The following TSC22D1 variants were observed in gnomAD, a reference collection of about 807,000 sequenced individuals.
TSC22D1 encodes the protein TSC22 domain family protein 1.
A neutral mutation model predicts 74.2 loss-of-function variants in TSC22D1; 9 were observed. The observed-to-expected ratio is 0.12, with a 90% CI of 0.07 to 0.21. The LOEUF is 0.21. Ranked by LOEUF, TSC22D1 falls within the 10% of genes least tolerant of loss-of-function variation. The pLI is 1.00. For missense variants in TSC22D1, 1,427 were observed against 1,304.7 expected (o/e 1.09, Z -1.44); for synonymous variants, 586 against 492.5 (o/e 1.19, Z -2.51).
At chr13:44,511,282 TCAAAAAAAAAC>T (rs1426101889) in intron 1 of TSC22D1, among the ~76,000 whole-genome samples, 1 of 151,754 alleles carries the variant, frequency 6.6e-6, no homozygotes, top group Admixed American at 6.6e-5. Flanking sequence ...AGAACCTGTT[TCAAAAAAAAAC>T]CAAAAAAAAT....
chr13:44,538,368 G>A (rs1191134943), intron 1 of TSC22D1: 9 of 985,102 alleles, frequency 9.1e-6, no homozygotes, highest in African/African-American at 1.7e-5. Flanking sequence ...AGCAGTTTTC[G>A]AATAATTAAG....
At chr13:44,485,254 G>A (rs920077105) in intron 1 of TSC22D1, among the ~76,000 whole-genome samples, 3 of 152,010 alleles carry the variant, frequency 2.0e-5, no homozygotes, top group Admixed American at 2.0e-4. Flanking sequence ...AAAAATGAGT[G>A]CTTAGTATAA....
intron 1 of TSC22D1, among the ~76,000 whole-genome samples, chr13:44,533,461 T>C (rs943736480): frequency 8.6e-6 from 1 of 116,676 alleles, no homozygotes; most frequent in African/African-American, 3.5e-5. Flanking sequence ...CTGTATCAAA[T>C]AAAATTAAAA....
chr13:44,458,345 G>C (rs1175076922), intron 1 of TSC22D1, among the ~76,000 whole-genome samples: 1 of 152,218 alleles, frequency 6.6e-6, no homozygotes, highest in Non-Finnish European at 1.5e-5. Context: ...TTGAGCACTG[G>C]AGTTAGAGCC....
chr13:44,451,198 T>C (rs114853424), intron 1 of TSC22D1, among the ~76,000 whole-genome samples: 1 of 152,122 alleles, frequency 6.6e-6, no homozygotes, highest in Admixed American at 6.5e-5. Flanking sequence ...AATGAGCCAA[T>C]GGACAGTCCG....
chr13:44,533,005 TACAG>T (rs1296609112), intron 1 of TSC22D1, among the ~76,000 whole-genome samples: 6 of 152,178 alleles, frequency 3.9e-5, no homozygotes, highest in African/African-American at 1.4e-4. Context: ...ACTTGAGTAC[TACAG>T]ACAATTTGTT....
rs993790430 is a variant in TSC22D1, at chr13:44,432,418, G to A, written c.*2208C>T. Reference sequence around the variant, plus strand: ...TTTTTCAAGGAAATGTAATTACTACGTAAGTATTCCTTTATTAAATTTGAA... The same window carrying A: ...TTTTTCAAGGAAATGTAATTACTACATAAGTATTCCTTTATTAAATTTGAA... On this transcript the variant is annotated 3_prime_UTR_variant, in exon 3 of 3. Transcript: ENST00000458659. The A allele has an allele frequency of 1.3e-5, 2 of 152,154 alleles. No individual in the cohort carries two copies. Among genetic ancestry groups the A allele is most frequent in the Admixed American group, 6.5e-5 (1 of 15,286 alleles). 9.4% of individuals were successfully genotyped at this position (152,154 alleles called of 1,614,324 possible). A position where few individuals can be genotyped will look rare whatever the true frequency, so the allele number is the denominator to read the frequency against.
intron 1 of TSC22D1, among the ~76,000 whole-genome samples, chr13:44,557,188 C>T (rs910283565): frequency 1.3e-5 from 2 of 150,852 alleles, no homozygotes; most frequent in Admixed American, 1.3e-4. Flanking sequence ...AGTGGCCGGG[C>T]GCAGTGGCAC....
At chr13:44,498,503 C>T (rs1482251130) in intron 1 of TSC22D1, among the ~76,000 whole-genome samples, 1 of 152,122 alleles carries the variant, frequency 6.6e-6, no homozygotes, top group East Asian at 1.9e-4. Context: ...TTATGCCATG[C>T]TTGGATAATG....
chr13:44,437,202 C>T (rs1176341756), intron 1 of TSC22D1: 1 of 985,410 alleles, frequency 1.0e-6, no homozygotes, highest in African/African-American at 1.7e-5. Flanking sequence ...CCCCGGTCCC[C>T]GGAGCTGTGT....
At chr13:44,553,238 G>A (rs909943357) in intron 1 of TSC22D1, among the ~76,000 whole-genome samples, 5 of 152,058 alleles carry the variant, frequency 3.3e-5, no homozygotes, top group Non-Finnish European at 5.9e-5. Context: ...CAATAAAACC[G>A]TCTTTCTTCT....
chr13:44,520,819 G>A (rs907424164), intron 1 of TSC22D1, among the ~76,000 whole-genome samples: 2 of 152,178 alleles, frequency 1.3e-5, no homozygotes, highest in Non-Finnish European at 2.9e-5. Flanking sequence ...ATTACTCAAC[G>A]TAAGTGTACT....
chr13:44,539,017 A>G (rs985933833), intron 1 of TSC22D1: 9 of 985,406 alleles, frequency 9.1e-6, no homozygotes, highest in East Asian at 1.1e-4. Context: ...ATTGTAGGTG[A>G]TAAGAACTTC....
chr13:44,447,328 AAGGGAACAAAAACTATTTTAAAAGAT>A (rs1875761289), intron 1 of TSC22D1, among the ~76,000 whole-genome samples: 1 of 152,162 alleles, frequency 6.6e-6, no homozygotes, highest in South Asian at 2.1e-4. Flanking sequence ...TAAAAGAAAA[AAGGGAACAAAAACTATTTTAAAAGAT>A]ATAATGCAAG....
Position 44,574,866 on chromosome 13 carries a change from G to A in TSC22D1, c.1209C>T (p.Asn403=). The part of the protein sequence containing the change: ...VSSQQQQPTV[N]TSRFRVVKLD... ...ACTTCACAACTCTGAACCTCGAAGT[G>A]TTAACTGTTGGTTGTTGCTGCTGAC... The change falls in exon 1 of 3, where the codon AAC becomes AAT. Residue 403 remains asparagine (N), a synonymous_variant. Transcript: ENST00000458659. The A allele has an allele frequency of 1.9e-6, 3 of 1,614,136 alleles. No individual in the cohort carries two copies. The highest frequency in any genetic ancestry group is 2.5e-6 in the Non-Finnish European group (3 of 1,180,036).
chr13:44,454,907 T>C (rs986024835), intron 1 of TSC22D1, among the ~76,000 whole-genome samples: 2 of 152,194 alleles, frequency 1.3e-5, no homozygotes, highest in African/African-American at 4.8e-5. Flanking sequence ...AGACTGGTTA[T>C]CACTGGAAAT....
At chr13:44,512,222 T>C (rs1879758878) in intron 1 of TSC22D1, among the ~76,000 whole-genome samples, 1 of 152,262 alleles carries the variant, frequency 6.6e-6, no homozygotes, top group South Asian at 2.1e-4. Context: ...CAGGCCGGAG[T>C]GCAATGGCGC....
At chr13:44,435,400 TTA>T (rs2138844503) in intron 2 of TSC22D1, 1 of 155,542 alleles carries the variant, frequency 6.4e-6, no homozygotes, top group East Asian at 1.9e-4. Flanking sequence ...GGAGCCCGAG[TTA>T]TTTATAGCTC....
chr13:44,451,769 T>C (rs1876156316), intron 1 of TSC22D1, among the ~76,000 whole-genome samples: 1 of 152,346 alleles, frequency 6.6e-6, no homozygotes, highest in African/African-American at 2.4e-5. Flanking sequence ...GGCCATATCA[T>C]GTCAGGGGCT....
Sources: gnomAD v4.1 joint callset for allele counts (sites outside exome capture counted in the v4.1 genomes callset) on GRCh38, gnomAD v4.1.1 for gene constraint, MANE v1.5 for transcripts, NCBI Gene and HGNC (gene_info 2026-07-23, HGNC 2026-07-21) for gene names.